CEP131: variants seen among roughly 807,000 people sequenced by gnomAD.
CEP131 encodes centrosomal protein 131, also known as centrosomal protein of 131 kDa.
CEP131 carries 99 observed loss-of-function variants against 136.8 expected under a neutral mutation model. The observed-to-expected ratio is 0.72, with a 90% CI of 0.62 to 0.86. The LOEUF (loss-of-function observed/expected upper bound fraction) is 0.86, where lower values mean the gene tolerates loss of function less well. Ranked by LOEUF, CEP131 falls within the 40% of genes least tolerant of loss-of-function variation. CEP131 has a pLI of 0.00. For synonymous variants in CEP131, 646 were observed against 612.7 expected (o/e 1.05, Z -0.80); for missense variants, 1,459 against 1,463.0 (o/e 1.00, Z 0.04).
At position 81,194,958 on chromosome 17, in the gene CEP131, G is replaced by C. The variant is rs768712461; in HGVS notation, c.2031C>G (p.Leu677=). 7.5e-6 allele frequency: 12 copies of C among 1,591,702 alleles called. No individual in the cohort carries two copies. The highest frequency in any genetic ancestry group is 1.0e-5 in the Non-Finnish European group (12 of 1,171,946). The part of the protein sequence containing the change: ...QAQHELEIKK[L]KELMSATEKA... ...TCTCGGTGGCGCTCATTAATTCTTT[G>C]AGTTTTTTAATCTCCTACGAGCAGA... is the stretch of plus-strand genomic sequence containing the variant. The change falls in exon 17 of 26, where the codon CTC becomes CTG. Residue 677 remains leucine, a synonymous_variant. Coordinates refer to ENST00000450824, the MANE Select transcript of CEP131 (RefSeq NM_014984.4).
chr17:81,197,457 T>TCCGGCTCCTTCTCCAGC, intron 13 of CEP131: 1 of 568,534 alleles, frequency 1.8e-6, no homozygotes, highest in South Asian at 2.2e-5. Context: ...GGGCAGCGGG[T>TCCGGCTCCTTCTCCAGC]AGGTGGGGGC....
At chr17:81,196,199 C>G (rs2061751675) in intron 15 of CEP131, among the ~76,000 whole-genome samples, 1 of 152,230 alleles carries the variant, frequency 6.6e-6, no homozygotes, top group Non-Finnish European at 1.5e-5. Flanking sequence ...CCCCAGCCCA[C>G]CCCCTGCAGT....
At chr17:81,199,915 G>T in intron 8 of CEP131, 80 bp from the exon 9 acceptor site, 1 of 1,405,062 alleles carries the variant, frequency 7.1e-7, no homozygotes. Flanking sequence ...TCCCCACAAC[G>T]CCCTGGAGTC....
rs573122104 is a variant in CEP131 at position 81,191,182 on chromosome 17, C to A, written c.2765+11G>T. The A allele has an allele frequency of 2.5e-6, 4 of 1,609,860 alleles. No individual in the cohort carries two copies. Among genetic ancestry groups the A allele is most frequent in the Admixed American group, 3.3e-5 (2 of 59,954 alleles). On this transcript the variant is annotated intron_variant, in intron 22 of 25. Transcript: ENST00000450824. ...TCCCCAGCTGGTGACCCAGCCATGGCGGGTCCTTACCGGCTCTCGGCAGCC... is the reference window on the plus strand; with the variant it reads ...TCCCCAGCTGGTGACCCAGCCATGGAGGGTCCTTACCGGCTCTCGGCAGCC...
rs1047542462 is a variant in CEP131, at chr17:81,189,679, G to A, written c.*90C>T. 6 of 1,347,452 alleles carry A rather than the reference G, an allele frequency of 4.5e-6. No homozygotes were observed. In the African/African-American group the frequency reaches 8.8e-5, roughly 20 times the overall value. The allele number at this position is 1,347,452 out of a possible 1,614,324, so 83.5% of individuals were successfully genotyped here. A position where few individuals can be genotyped will look rare whatever the true frequency, so the allele number is the denominator to read the frequency against. On this transcript the variant is annotated 3_prime_UTR_variant, in exon 26 of 26. Coordinates refer to ENST00000450824, the MANE Select transcript of CEP131 (RefSeq NM_014984.4). Reference sequence around the variant, plus strand: ...ATCTCAACCACCAGCCTCTGTGGGGGGCAGGTGGGCGTCCCTGTGGGCCTC... The same window carrying A: ...ATCTCAACCACCAGCCTCTGTGGGGAGCAGGTGGGCGTCCCTGTGGGCCTC...
At position 81,219,296 on chromosome 17, in the gene CEP131, CTTTT is replaced by C. The variant is rs11382761; in HGVS notation, c.177+580_177+583del. ...CCCCACAGGTCAACCCCATTTCTTT[CTTTT>C]TTTTTTTTTTTTGAGATGGCATCTC... On this transcript the variant is annotated intron_variant, in intron 2 of 25. Transcript: ENST00000450824. This position sits in a 1 kb window ranked among gnomAD's most constrained non-coding sequence, Gnocchi z 4.0. 2.3e-5 allele frequency among the ~76,000 whole-genome samples: 3 copies of C among 131,438 alleles called. No homozygotes were observed. The highest frequency in any genetic ancestry group is 1.6e-5 in the Non-Finnish European group (1 of 63,742). 86.2% of individuals were successfully genotyped at this position (131,438 alleles called of 152,430 possible).
chr17:81,217,813 G>A (rs1410371590), intron 2 of CEP131, among the ~76,000 whole-genome samples: 3 of 152,184 alleles, frequency 2.0e-5, no homozygotes, highest in Admixed American at 2.0e-4. Flanking sequence ...AGTAGCGCTC[G>A]CTGTGGCTTT....
At chr17:81,197,098 G>C in intron 13 of CEP131, 43 bp from the exon 14 acceptor site, 1 of 1,560,494 alleles carries the variant, frequency 6.4e-7, no homozygotes, top group East Asian at 2.4e-5. Context: ...GCAGAGGACG[G>C]GGGGCAGCCA....
chr17:81,211,552 G>A (rs1165952033), intron 2 of CEP131, among the ~76,000 whole-genome samples: 2 of 152,214 alleles, frequency 1.3e-5, no homozygotes, highest in Non-Finnish European at 1.5e-5. Context: ...GGGACTGCAA[G>A]CCCTCCACCC....
chr17:81,212,422 G>A (rs1233290830), intron 2 of CEP131, among the ~76,000 whole-genome samples: 1 of 152,154 alleles, frequency 6.6e-6, no homozygotes, highest in African/African-American at 2.4e-5. Context: ...TGCTGTCCAA[G>A]CAGCCCTGGA....
At chr17:81,196,579 G>A (rs1250896767) in intron 15 of CEP131, 122 bp downstream of exon 15, 5 of 1,400,728 alleles carry the variant, frequency 3.6e-6, no homozygotes, top group Non-Finnish European at 4.7e-6. Context: ...AATGCGTCCA[G>A]CGGACACCCG....
Position 81,208,061 on chromosome 17 carries a change from C to T in CEP131, c.273-822G>A, listed in dbSNP as rs897183580. 7.1e-6 allele frequency among the ~76,000 whole-genome samples: 1 copy of T among 141,764 alleles called. No homozygotes were observed. The highest frequency in any genetic ancestry group is 1.6e-5 in the Non-Finnish European group (1 of 64,206). 93.0% of individuals were successfully genotyped at this position (141,764 alleles called of 152,430 possible). Reference sequence around the variant, plus strand: ...ACACACCCCCCACACACACCACACTCACACCACACACCCACACACCACACC... The same window carrying T: ...ACACACCCCCCACACACACCACACTTACACCACACACCCACACACCACACC... On this transcript the variant is annotated intron_variant, in intron 3 of 25. Coordinates refer to ENST00000450824, the MANE Select transcript of CEP131 (RefSeq NM_014984.4). This position sits in a 1 kb window ranked among gnomAD's most constrained non-coding sequence, Gnocchi z 5.6.
chr17:81,217,902 G>C (rs1189325159), intron 2 of CEP131, among the ~76,000 whole-genome samples: 1 of 152,192 alleles, frequency 6.6e-6, no homozygotes, highest in Non-Finnish European at 1.5e-5. Flanking sequence ...GCCGCGGATA[G>C]AGCCTGGCCA....
chr17:81,196,267 G>C (rs1318607494), intron 15 of CEP131, among the ~76,000 whole-genome samples: 1 of 152,202 alleles, frequency 6.6e-6, no homozygotes, highest in Non-Finnish European at 1.5e-5. Context: ...CCCAGCCCTG[G>C]AGGAGGCTCA....
chr17:81,212,269 C>G (rs2062148345), intron 2 of CEP131, among the ~76,000 whole-genome samples: 1 of 150,950 alleles, frequency 6.6e-6, no homozygotes, highest in Admixed American at 6.6e-5. Flanking sequence ...TTGCAGTGAG[C>G]CGAGATTGCG....
intron 2 of CEP131, among the ~76,000 whole-genome samples, chr17:81,218,951 C>T (rs1280204556): frequency 1.3e-5 from 2 of 152,270 alleles, no homozygotes; most frequent in East Asian, 1.9e-4. Flanking sequence ...GACCGGCTGC[C>T]GCATGGAAGC....
chr17:81,194,169 G>A (rs764056563), intron 17 of CEP131, 42 bp from the exon 18 acceptor site: 8 of 1,454,230 alleles, frequency 5.5e-6, no homozygotes, highest in Non-Finnish European at 7.3e-6. Context: ...CAGCTAGGGT[G>A]GGCCCGGGAA....
At chr17:81,202,198 T>G in intron 7 of CEP131, 42 bp downstream of exon 7, 3 of 985,406 alleles carry the variant, frequency 3.0e-6, no homozygotes, top group South Asian at 1.5e-5. Context: ...CACCTCTGTG[T>G]TCTAGGCTCA....
In CEP131 at chr17:81,191,280, C is replaced by A. The variant is rs781317925; in HGVS notation, c.2678G>T (p.Arg893Leu). Residue 893 changes from arginine to leucine, a missense_variant, in exon 22 of 26, where the codon CGG becomes CTG. Around this residue, in one of 3 missense-constraint regions of CEP131, gnomAD observed 1,026 missense variants for 964.2 expected, o/e 1.06. Transcript: ENST00000450824. ...AATGACCAGCTCAATCTCCTTGTCC[C>A]GGCCTTTCCGGATTTCTTCCCTCAG... ...QELREEIRKG[R>L]DKEIELVIHR... 3 of 1,613,520 alleles carry A rather than the reference C, an allele frequency of 1.9e-6. No homozygotes were observed. Among genetic ancestry groups the A allele is most frequent in the Non-Finnish European group, 1.7e-6 (2 of 1,179,958 alleles).
Sources: gnomAD v4.1 joint callset for allele counts (sites outside exome capture counted in the v4.1 genomes callset) on GRCh38, gnomAD v4.1.1 for gene constraint, gnomAD v4.1.1 regional missense constraint, Gnocchi (gnomAD v3.1) non-coding constraint, MANE v1.5 for transcripts, NCBI Gene and HGNC (gene_info 2026-07-23, HGNC 2026-07-21) for gene names.